ANKRD36: variants seen among roughly 807,000 people sequenced by gnomAD.
ANKRD36 encodes the protein ankyrin repeat domain-containing protein 36A.
Under a neutral mutation model 278.1 loss-of-function variants are expected in ANKRD36, and 179 were observed. The ratio of observed to expected loss-of-function variants is 0.64; its 90% CI spans 0.57 to 0.73. ANKRD36 has a LOEUF of 0.73. Ranked by LOEUF, ANKRD36 falls within the 30% of genes least tolerant of loss-of-function variation. The pLI is 0.00. For synonymous variants in ANKRD36, 320 were observed against 641.1 expected, an observed-to-expected ratio of 0.50 and a Z score of 7.57; for missense variants, 1,159 against 1,956.7, an observed-to-expected ratio of 0.59 and a Z score of 7.69.
intron 44 of ANKRD36, 95 bp downstream of exon 44, chr2:97,198,753 A>C: frequency 1.6e-6 from 2 of 1,284,840 alleles, no homozygotes; most frequent in East Asian, 5.0e-5. Flanking sequence ...TTGAAGCTGC[A>C]CATTCTGATT....
At chr2:97,259,036 A>G (rs1177830596) in intron 75 of ANKRD36, among the ~76,000 whole-genome samples, 2 of 143,702 alleles carry the variant, frequency 1.4e-5, no homozygotes, top group Non-Finnish European at 3.0e-5. Context: ...CATAATTGCC[A>G]TAGGCATTTG....
At chr2:97,207,741 A>G (rs1449276035) in intron 52 of ANKRD36, 70 bp from the exon 53 acceptor site, 1 of 1,540,432 alleles carries the variant, frequency 6.5e-7, no homozygotes, top group Non-Finnish European at 8.8e-7. Context: ...TGATGCTAAC[A>G]CTGTATGAAT....
intron 28 of ANKRD36, among the ~76,000 whole-genome samples, chr2:97,185,034 C>T (rs991199982): frequency 2.0e-5 from 3 of 151,760 alleles, no homozygotes; most frequent in African/African-American, 7.3e-5. Flanking sequence ...CACTTTTGTC[C>T]TCATCATTCA....
At chr2:97,192,389 A>T (rs1228230178) in intron 36 of ANKRD36, among the ~76,000 whole-genome samples, 2 of 151,746 alleles carry the variant, frequency 1.3e-5, no homozygotes, top group Non-Finnish European at 2.9e-5. Flanking sequence ...CTGAAGTGTC[A>T]TCATAATTGT....
intron 56 of ANKRD36, among the ~76,000 whole-genome samples, chr2:97,210,388 T>C (rs2064116152): frequency 6.6e-6 from 1 of 151,784 alleles, no homozygotes; most frequent in African/African-American, 2.4e-5. Context: ...GGGTTTCTGC[T>C]GAGTAAACCT....
intron 42 of ANKRD36, among the ~76,000 whole-genome samples, chr2:97,197,632 T>C (rs2060144524): frequency 6.6e-6 from 1 of 151,952 alleles, no homozygotes; most frequent in Non-Finnish European, 1.5e-5. Context: ...AAAGAAAAAT[T>C]ATGCTGCATT....
At chr2:97,114,920 T>C (rs1208104144) in intron 1 of ANKRD36, among the ~76,000 whole-genome samples, 2 of 152,264 alleles carry the variant, frequency 1.3e-5, no homozygotes, top group East Asian at 3.9e-4. Context: ...AGAAAACTTT[T>C]GAAATGGAGT....
At chr2:97,139,439 C>A (rs996326584) in intron 6 of ANKRD36, among the ~76,000 whole-genome samples, 12 of 152,012 alleles carry the variant, frequency 7.9e-5, no homozygotes, top group Non-Finnish European at 1.8e-4. Flanking sequence ...CACAAAATGA[C>A]TGCAACTTGG....
chr2:97,131,953 C>T (rs552270184), intron 6 of ANKRD36, among the ~76,000 whole-genome samples: 95 of 151,936 alleles, frequency 6.3e-4, no homozygotes, highest in Non-Finnish European at 1.2e-3. Context: ...TTCAGCCTCC[C>T]AAGTAGCTGG....
In ANKRD36 at chr2:97,196,719, A is replaced by G; in HGVS notation, c.2584A>G (p.Thr862Ala). The G allele has an allele frequency of 6.4e-7, 1 of 1,563,258 alleles. No individual in the cohort carries two copies. Among genetic ancestry groups the G allele is most frequent in the Non-Finnish European group, 8.6e-7 (1 of 1,157,274 alleles). ...TTTCGTTTCAAATTCCATTCAGGGT[A>G]CAAGTGACGAGGAAGATTCTGTTTT... ...SSQKPPTLKG[T>A]SDEEDSVLGI... is the part of the protein sequence containing the mutation. The change falls in exon 42 of 76, where the codon ACA (threonine) becomes GCA (alanine). Residue 862 changes from threonine to alanine, a missense_variant. Coordinates refer to ENST00000420699, the MANE Select transcript of ANKRD36 (RefSeq NM_001354587.1).
chr2:97,193,673 A>G (rs202054767), intron 38 of ANKRD36, among the ~76,000 whole-genome samples: 9 of 151,686 alleles, frequency 5.9e-5, no homozygotes, highest in African/African-American at 2.2e-4. Flanking sequence ...AAACAATGGT[A>G]TAATTGGAAT....
rs533482227 is a variant in ANKRD36 at position 97,230,803 on chromosome 2, A to G, written c.3952-2927A>G. ...TTTTGGTCTTTGATGATGGTGATGTACAGATGGGTTTTTGATGTGGATGTC... is the reference window on the plus strand; with the variant it reads ...TTTTGGTCTTTGATGATGGTGATGTGCAGATGGGTTTTTGATGTGGATGTC... On this transcript the variant is annotated intron_variant, in intron 67 of 75. Coordinates refer to ENST00000420699, the MANE Select transcript of ANKRD36 (RefSeq NM_001354587.1). Among the ~76,000 whole-genome samples the G allele has an allele frequency of 2.6e-5, 4 of 152,152 alleles. No homozygotes were observed. In the East Asian group the frequency reaches 7.8e-4, roughly 30 times the overall value.
At chr2:97,227,571 A>G (rs1195441952) in intron 67 of ANKRD36, among the ~76,000 whole-genome samples, 1 of 152,104 alleles carries the variant, frequency 6.6e-6, no homozygotes, top group East Asian at 2.0e-4. Context: ...TCGTCTGCAA[A>G]CAGGGACAAT....
At chr2:97,180,981 G>T (rs2056035933) in intron 24 of ANKRD36, among the ~76,000 whole-genome samples, 1 of 151,612 alleles carries the variant, frequency 6.6e-6, no homozygotes, top group Non-Finnish European at 1.5e-5. Flanking sequence ...CTTTCAGAAG[G>T]CTAAACTAGT....
intron 25 of ANKRD36, 37 bp from the exon 26 acceptor site, chr2:97,181,684 T>C (rs1262581609): frequency 6.2e-7 from 1 of 1,606,196 alleles, no homozygotes; most frequent in East Asian, 2.2e-5. Context: ...TGAAACCTAC[T>C]TTACATATTG....
intron 52 of ANKRD36, among the ~76,000 whole-genome samples, chr2:97,207,101 A>T (rs2063070154): frequency 6.6e-6 from 1 of 151,552 alleles, no homozygotes; most frequent in African/African-American, 2.4e-5. Context: ...TGTATGTCAA[A>T]ATTGATAATT....
In ANKRD36 at chr2:97,157,592, C is replaced by T. The variant is rs561611959; in HGVS notation, c.1261-515C>T. 9.8e-4 allele frequency among the ~76,000 whole-genome samples: 131 copies of T among 133,850 alleles called. No homozygotes were observed. In the Middle Eastern group the frequency reaches 0.025, roughly 26 times the overall value. The allele number at this position is 133,850 out of a possible 152,430, so 87.8% of individuals were successfully genotyped here. On this transcript the variant is annotated intron_variant, in intron 15 of 75. Coordinates refer to ENST00000420699, the MANE Select transcript of ANKRD36 (RefSeq NM_001354587.1). ...TTTGTTCTGTCTTTTTTGGAAGGAG[C>T]GGAGGTTATACAATAATTTGTTTTT...
chr2:97,129,016 T>C (rs1457264916), intron 6 of ANKRD36, among the ~76,000 whole-genome samples: 2 of 152,132 alleles, frequency 1.3e-5, no homozygotes, highest in East Asian at 3.8e-4. Context: ...AAATGGTATT[T>C]CTAGTTCTAG....
chr2:97,139,495 C>A (rs1367677182), intron 6 of ANKRD36, among the ~76,000 whole-genome samples: 4 of 151,906 alleles, frequency 2.6e-5, no homozygotes, highest in Non-Finnish European at 5.9e-5. Flanking sequence ...TCCATGTTGA[C>A]CCAGTGAGGT....
Sources: allele counts gnomAD v4.1 joint callset (sites outside exome capture counted in the v4.1 genomes callset), GRCh38; gene constraint gnomAD v4.1.1; transcripts MANE v1.5; gene names NCBI Gene and HGNC (gene_info 2026-07-23, HGNC 2026-07-21).